Variants in PHACTR1 observed in about 807,000 individuals in gnomAD.
PHACTR1 encodes RPEL repeat containing 1.
PHACTR1 carries 16 observed loss-of-function variants against 69.2 expected under a neutral mutation model. The ratio of observed to expected loss-of-function variants is 0.23; its 90% CI spans 0.16 to 0.35. PHACTR1 has a LOEUF of 0.35. Ranked by LOEUF, PHACTR1 falls within the 10% of genes least tolerant of loss-of-function variation. The probability of loss-of-function intolerance (pLI) is 1.00; values close to 1 mark genes in which losing one functional copy is unlikely to be tolerated. For missense variants in PHACTR1, 510 were observed against 734.7 expected (o/e 0.69, Z 3.54); for synonymous variants, 312 against 284.5 (o/e 1.10, Z -0.97).
At chr6:13,059,494 A>AC (rs549093622) in intron 5 of PHACTR1, among the ~76,000 whole-genome samples, 1,447 of 141,510 alleles carry the variant, frequency 0.01, 30 homozygotes, top group African/African-American at 0.037. Flanking sequence ...ACACACACAC[A>AC]AAACCCACAG....
chr6:12,898,728 G>A (rs1487683128), intron 4 of PHACTR1, among the ~76,000 whole-genome samples: 2 of 152,032 alleles, frequency 1.3e-5, no homozygotes, highest in Non-Finnish European at 2.9e-5. Context: ...TCTCTCTGTC[G>A]GCCGCAATCT....
At chr6:13,193,385 A>ATATATAT (rs1561971538) in intron 7 of PHACTR1, among the ~76,000 whole-genome samples, 1 of 136,514 alleles carries the variant, frequency 7.3e-6, no homozygotes, top group African/African-American at 2.6e-5. Context: ...ATATATATAT[A>ATATATAT]GTTTTGGGGA....
chr6:13,014,049 A>T (rs1582965735), intron 4 of PHACTR1, among the ~76,000 whole-genome samples: 2 of 152,004 alleles, frequency 1.3e-5, no homozygotes, highest in South Asian at 4.1e-4. Context: ...CAACAACAAC[A>T]ACAACGTGTC....
At chr6:13,173,783 A>G (rs1287364560) in intron 6 of PHACTR1, among the ~76,000 whole-genome samples, 1 of 152,162 alleles carries the variant, frequency 6.6e-6, no homozygotes, top group Non-Finnish European at 1.5e-5. Flanking sequence ...ATCTCGGCTC[A>G]CTGCAACCTC....
At chr6:12,835,160 A>T (rs1243115336) in intron 4 of PHACTR1, among the ~76,000 whole-genome samples, 1 of 152,138 alleles carries the variant, frequency 6.6e-6, no homozygotes, top group Non-Finnish European at 1.5e-5. Context: ...GGAAGGTAGA[A>T]CTGAGTGTGG....
chr6:13,061,431 C>T (rs1807663724), intron 5 of PHACTR1, among the ~76,000 whole-genome samples: 1 of 152,048 alleles, frequency 6.6e-6, no homozygotes, highest in Non-Finnish European at 1.5e-5. Context: ...ATATTAAGTT[C>T]CAAAGAGGTC....
rs201298647 is a variant in PHACTR1 at position 13,051,314 on chromosome 6, G to C, written c.251-2051G>C. 2.6e-5 allele frequency among the ~76,000 whole-genome samples: 4 copies of C among 152,160 alleles called. No individual in the cohort carries two copies. The East Asian group carries it at 7.7e-4, about 29-fold the overall frequency. On this transcript the variant is annotated intron_variant, in intron 4 of 14. Coordinates refer to ENST00000332995, the MANE Select transcript of PHACTR1 (RefSeq NM_030948.6). ...TGTTTTGTTTACCGTCATAGCCTAA[G>C]CATCTGGTACAGAGTGGGCATACAA... is the stretch of plus-strand genomic sequence containing the variant.
chr6:12,892,656 C>T (rs932960130), intron 4 of PHACTR1, among the ~76,000 whole-genome samples: 1 of 152,166 alleles, frequency 6.6e-6, no homozygotes, highest in East Asian at 1.9e-4. Context: ...CATTTATAGA[C>T]ATCTTTTTCC....
chr6:13,271,796 A>G (rs1308115253), intron 10 of PHACTR1, among the ~76,000 whole-genome samples: 9 of 151,982 alleles, frequency 5.9e-5, no homozygotes, highest in Admixed American at 2.0e-4. Context: ...TGGAGACTTC[A>G]TTGACTTGAT....
intron 5 of PHACTR1, among the ~76,000 whole-genome samples, chr6:13,092,899 G>A (rs894282159): frequency 2.6e-5 from 4 of 152,202 alleles, no homozygotes; most frequent in Admixed American, 2.6e-4. Context: ...AGGGATTCTG[G>A]CAGGAAAGCA....
At chr6:13,224,375 A>G (rs984481838) in intron 8 of PHACTR1, among the ~76,000 whole-genome samples, 1 of 152,226 alleles carries the variant, frequency 6.6e-6, no homozygotes, top group African/African-American at 2.4e-5. Context: ...CCAGGCCAAG[A>G]GCATTGAATG....
chr6:13,023,443 C>G (rs1801267091), intron 4 of PHACTR1, among the ~76,000 whole-genome samples: 1 of 152,144 alleles, frequency 6.6e-6, no homozygotes, highest in South Asian at 2.1e-4. Context: ...GGAGATTTGC[C>G]TCCACGGTAA....
intron 4 of PHACTR1, among the ~76,000 whole-genome samples, chr6:13,015,371 G>A (rs1396275991): frequency 6.6e-6 from 1 of 152,148 alleles, no homozygotes; most frequent in Admixed American, 6.5e-5. Context: ...ACACATGAAC[G>A]CCCCTGCTAT....
intron 4 of PHACTR1, among the ~76,000 whole-genome samples, chr6:13,045,405 A>G (rs1561743847): frequency 1.3e-5 from 2 of 152,154 alleles, no homozygotes; most frequent in African/African-American, 2.4e-5. Flanking sequence ...TACCGTCATA[A>G]TAGTCATCAG....
At chr6:12,992,950 G>A (rs560169879) in intron 4 of PHACTR1, among the ~76,000 whole-genome samples, 28 of 152,288 alleles carry the variant, frequency 1.8e-4, no homozygotes, top group Middle Eastern at 3.4e-3. Flanking sequence ...ATGCAAATGG[G>A]TTCTTTACCT....
At position 13,006,182 on chromosome 6, in the gene PHACTR1, G is replaced by C. The variant is rs1798764889; in HGVS notation, c.251-47183G>C. ...ATACAGATGATAGATAAGAACCTAT[G>C]CATCCTATTTTTATCCCTGTTCTAT... On this transcript the variant is annotated intron_variant, in intron 4 of 14. Transcript: ENST00000332995. Among the ~76,000 whole-genome samples, 4 of 152,160 alleles carry C rather than the reference G, an allele frequency of 2.6e-5. No individual in the cohort carries two copies. The South Asian group carries it at 8.3e-4, about 32-fold the overall frequency.
chr6:12,863,344 G>A (rs1409231450), intron 4 of PHACTR1, among the ~76,000 whole-genome samples: 1 of 152,238 alleles, frequency 6.6e-6, no homozygotes, highest in Non-Finnish European at 1.5e-5. Flanking sequence ...TGGAGACTGA[G>A]TAAGCTCTGT....
At chr6:13,159,224 A>G (rs1212196049) in intron 5 of PHACTR1, among the ~76,000 whole-genome samples, 3 of 152,206 alleles carry the variant, frequency 2.0e-5, no homozygotes, top group Non-Finnish European at 2.9e-5. Context: ...TGCACTGGGT[A>G]ACTGAATGGT....
chr6:12,981,705 G>A (rs1373691786), intron 4 of PHACTR1, among the ~76,000 whole-genome samples: 4 of 152,158 alleles, frequency 2.6e-5, no homozygotes, highest in South Asian at 4.1e-4. Context: ...CCAGTGAACT[G>A]GTTGAAACAG....
Sources: gnomAD v4.1 joint callset for allele counts (sites outside exome capture counted in the v4.1 genomes callset) on GRCh38, gnomAD v4.1.1 for gene constraint, MANE v1.5 for transcripts, NCBI Gene and HGNC (gene_info 2026-07-23, HGNC 2026-07-21) for gene names.